SLC24A3: variants seen among roughly 807,000 people sequenced by gnomAD.
SLC24A3 encodes the protein sodium/potassium/calcium exchanger 3.
In SLC24A3, 28 loss-of-function variants were observed where a neutral mutation model predicts 75.8. The ratio of observed to expected loss-of-function variants is 0.37; its 90% CI spans 0.27 to 0.51. The LOEUF (loss-of-function observed/expected upper bound fraction) is 0.51. Ranked by LOEUF, SLC24A3 falls within the 20% of genes least tolerant of loss-of-function variation. The probability of loss-of-function intolerance (pLI) is 0.94; values close to 1 mark genes in which losing one functional copy is unlikely to be tolerated. For missense variants in SLC24A3, 663 were observed against 847.8 expected (o/e 0.78, Z 2.71); for synonymous variants, 372 against 334.1 (o/e 1.11, Z -1.24).
intron 3 of SLC24A3, among the ~76,000 whole-genome samples, chr20:19,574,495 TG>T: frequency 6.6e-6 from 1 of 152,326 alleles, no homozygotes; most frequent in Non-Finnish European, 1.5e-5. Flanking sequence ...TGAACTGGGC[TG>T]GGCCTGTCTC....
In SLC24A3 at chr20:19,679,270, G is replaced by A. The variant is rs932600492; in HGVS notation, c.768-2588G>A. 3.5e-3 allele frequency among the ~76,000 whole-genome samples: 528 copies of A among 152,328 alleles called. 5 individuals carry two copies. Among genetic ancestry groups the A allele is most frequent in the African/African-American group, 0.012 (488 of 41,586 alleles). On this transcript the variant is annotated intron_variant, in intron 9 of 16. Coordinates refer to ENST00000328041, the MANE Select transcript of SLC24A3 (RefSeq NM_020689.4). ...AATCCCAGCACCTCCGGAGGCCGAG[G>A]CTGGCGGATCACTCGCGGTTAGGAG...
chr20:19,393,196 C>G (rs1026697203), intron 2 of SLC24A3, among the ~76,000 whole-genome samples: 1 of 152,066 alleles, frequency 6.6e-6, no homozygotes, highest in African/African-American at 2.4e-5. Context: ...ATACCCATAG[C>G]CTGACATCAT....
intron 2 of SLC24A3, among the ~76,000 whole-genome samples, chr20:19,400,906 TTAATG>T (rs1045810773): frequency 6.6e-5 from 10 of 152,204 alleles, no homozygotes; most frequent in African/African-American, 2.4e-4. Flanking sequence ...TTTTGGTTGT[TTAATG>T]TAGGAGGGTA....
At chr20:19,435,308 T>A (rs1319290556) in intron 2 of SLC24A3, among the ~76,000 whole-genome samples, 1 of 152,254 alleles carries the variant, frequency 6.6e-6, no homozygotes, top group Non-Finnish European at 1.5e-5. Context: ...TAAGTGGTAC[T>A]GCCCATGCAA....
At chr20:19,599,555 A>G (rs997066020) in intron 6 of SLC24A3, among the ~76,000 whole-genome samples, 1 of 152,214 alleles carries the variant, frequency 6.6e-6, no homozygotes, top group Non-Finnish European at 1.5e-5. Flanking sequence ...AGAACACCTG[A>G]TAGTGCTGAG....
At chr20:19,235,602 T>TCC (rs1982144241) in intron 1 of SLC24A3, among the ~76,000 whole-genome samples, 1 of 152,066 alleles carries the variant, frequency 6.6e-6, no homozygotes, top group Non-Finnish European at 1.5e-5. Flanking sequence ...TCACCTCATC[T>TCC]CCCCTCAAGT....
At chr20:19,527,507 G>T (rs932069607) in intron 3 of SLC24A3, among the ~76,000 whole-genome samples, 1 of 152,132 alleles carries the variant, frequency 6.6e-6, no homozygotes, top group East Asian at 1.9e-4. Flanking sequence ...ATGAACTTTG[G>T]GGGGCCAGAC....
chr20:19,425,171 T>A (rs1986984623), intron 2 of SLC24A3, among the ~76,000 whole-genome samples: 1 of 151,994 alleles, frequency 6.6e-6, no homozygotes, highest in Non-Finnish European at 1.5e-5. Context: ...GGCATGGTGG[T>A]GTGCACCTGT....
At chr20:19,405,182 C>T (rs760429166) in intron 2 of SLC24A3, among the ~76,000 whole-genome samples, 10 of 152,122 alleles carry the variant, frequency 6.6e-5, no homozygotes, top group Admixed American at 3.3e-4. Flanking sequence ...TTCCATAGTC[C>T]CTAGTCCCCA....
rs114717559 is a variant in SLC24A3, at chr20:19,409,904, T to A, written c.272-105584T>A. On this transcript the variant is annotated intron_variant, in intron 2 of 16. Coordinates refer to ENST00000328041, the MANE Select transcript of SLC24A3 (RefSeq NM_020689.4). Reference sequence around the variant, plus strand: ...TGTCCTGGCATAGAGTGGTCCAAAATGTTATTAGTGGAAGTCTTTGGGTGG... The same window carrying A: ...TGTCCTGGCATAGAGTGGTCCAAAAAGTTATTAGTGGAAGTCTTTGGGTGG... 7.5e-3 allele frequency among the ~76,000 whole-genome samples: 1,139 copies of A among 151,972 alleles called. 10 individuals carry two copies. Among genetic ancestry groups the A allele is most frequent in the African/African-American group, 0.026 (1,080 of 41,476 alleles).
chr20:19,562,664 G>C (rs970707462), intron 3 of SLC24A3, among the ~76,000 whole-genome samples: 1 of 152,308 alleles, frequency 6.6e-6, no homozygotes, highest in Middle Eastern at 3.4e-3. Flanking sequence ...CAATAAAACC[G>C]AAGGTCAGAG....
intron 6 of SLC24A3, among the ~76,000 whole-genome samples, chr20:19,608,468 A>G (rs888168394): frequency 6.6e-6 from 1 of 152,216 alleles, no homozygotes; most frequent in African/African-American, 2.4e-5. Flanking sequence ...CAGTCCTTTA[A>G]TATCTGTACC....
chr20:19,680,530 T>A (rs962168926), intron 9 of SLC24A3, among the ~76,000 whole-genome samples: 5 of 152,246 alleles, frequency 3.3e-5, no homozygotes, highest in African/African-American at 1.2e-4. Flanking sequence ...GTGCTCAGTG[T>A]CTGCATCCAT....
intron 6 of SLC24A3, among the ~76,000 whole-genome samples, chr20:19,614,653 C>A (rs372472196): frequency 1.6e-4 from 24 of 152,202 alleles, no homozygotes; most frequent in African/African-American, 5.5e-4. Flanking sequence ...TAACCAAAGA[C>A]GCAGCCCAAA....
At chr20:19,588,420 A>G (rs575319420) in intron 6 of SLC24A3, among the ~76,000 whole-genome samples, 1 of 152,222 alleles carries the variant, frequency 6.6e-6, no homozygotes, top group Non-Finnish European at 1.5e-5. Flanking sequence ...ATCTGAAATT[A>G]AAGTAATTAA....
intron 1 of SLC24A3, among the ~76,000 whole-genome samples, chr20:19,266,894 ATAT>A (rs1983183554): frequency 1.3e-5 from 2 of 152,110 alleles, no homozygotes; most frequent in African/African-American, 4.8e-5. Context: ...GTATAATGAG[ATAT>A]TATTTTTAAG....
chr20:19,686,728 A>T (rs1429146713), intron 12 of SLC24A3, among the ~76,000 whole-genome samples: 2 of 152,176 alleles, frequency 1.3e-5, no homozygotes, highest in African/African-American at 2.4e-5. Flanking sequence ...CTTGAACCAG[A>T]GATGCCCCTG....
Position 19,589,732 on chromosome 20 carries a change from A to G in SLC24A3, c.612+4188A>G, listed in dbSNP as rs372642929. ...CAGCTACTGTTTATTAAGCTTCTCT[A>G]ACGTTCAGGCACCACACTAGATTCT... On this transcript the variant is annotated intron_variant, in intron 6 of 16. Transcript: ENST00000328041. 2.2e-4 allele frequency among the ~76,000 whole-genome samples: 33 copies of G among 152,232 alleles called. No individual in the cohort carries two copies. In the East Asian group the frequency reaches 6.2e-3, roughly 29 times the overall value.
intron 3 of SLC24A3, among the ~76,000 whole-genome samples, chr20:19,578,987 G>A (rs2031180347): frequency 6.6e-6 from 1 of 152,098 alleles, no homozygotes; most frequent in African/African-American, 2.4e-5. Context: ...GGTGAGAAAT[G>A]GCTCCCTTTG....
Sources: allele counts gnomAD v4.1 joint callset (sites outside exome capture counted in the v4.1 genomes callset), GRCh38; gene constraint gnomAD v4.1.1; transcripts MANE v1.5; gene names NCBI Gene and HGNC (gene_info 2026-07-23, HGNC 2026-07-21).